The following NAALADL2 variants were observed in gnomAD, a reference collection of about 807,000 sequenced individuals.
The protein encoded by NAALADL2 is N-acetylated alpha-linked acidic dipeptidase like 2.
A neutral mutation model predicts 87.2 loss-of-function variants in NAALADL2; 76 were observed. That is an observed-to-expected ratio of 0.87 (90% CI 0.72 to 1.05). The LOEUF is 1.05. NAALADL2 is among the 50% of genes least tolerant of loss of function. The pLI is 0.00. For synonymous variants in NAALADL2, 354 were observed against 331.0 expected, an observed-to-expected ratio of 1.07 and a Z score of -0.75; for missense variants, 1,089 against 945.8, an observed-to-expected ratio of 1.15 and a Z score of -1.99.
intron 5 of NAALADL2, among the ~76,000 whole-genome samples, chr3:175,362,831 C>T (rs1280666672): frequency 6.8e-6 from 1 of 147,644 alleles, no homozygotes; most frequent in Admixed American, 6.9e-5. Flanking sequence ...TCACTGCATC[C>T]ATGCCAACAT....
intron 2 of NAALADL2, among the ~76,000 whole-genome samples, chr3:174,574,327 A>C (rs1007793130): frequency 6.6e-6 from 1 of 152,146 alleles, no homozygotes; most frequent in Admixed American, 6.5e-5. Flanking sequence ...TTTCACATAC[A>C]TTATATTTTT....
chr3:175,536,036 C>T (rs1212129655), intron 9 of NAALADL2, among the ~76,000 whole-genome samples: 3 of 152,132 alleles, frequency 2.0e-5, no homozygotes, highest in Non-Finnish European at 2.9e-5. Flanking sequence ...TAACAAAACC[C>T]CAACTTTTTG....
chr3:175,788,787 A>G (rs527486195), intron 13 of NAALADL2, among the ~76,000 whole-genome samples: 2 of 152,338 alleles, frequency 1.3e-5, no homozygotes, highest in East Asian at 3.9e-4. Flanking sequence ...TACTCAAATA[A>G]TTATATGAAG....
chr3:175,138,787 T>A (rs916791269), intron 2 of NAALADL2, among the ~76,000 whole-genome samples: 1 of 148,224 alleles, frequency 6.7e-6, no homozygotes, highest in African/African-American at 2.5e-5. Flanking sequence ...ACATAAGATA[T>A]TGTGAATATA....
At chr3:174,685,141 C>T (rs1249216820) in intron 2 of NAALADL2, among the ~76,000 whole-genome samples, 2 of 152,068 alleles carry the variant, frequency 1.3e-5, no homozygotes, top group Admixed American at 1.3e-4. Context: ...GATCTCTCCC[C>T]AAAACTTTCC....
chr3:175,332,267 C>T (rs1232619163), intron 5 of NAALADL2, among the ~76,000 whole-genome samples: 1 of 152,102 alleles, frequency 6.6e-6, no homozygotes, highest in Non-Finnish European at 1.5e-5. Flanking sequence ...ACAGCCAATC[C>T]AATCCTGAAC....
intron 1 of NAALADL2, among the ~76,000 whole-genome samples, chr3:174,481,829 T>C (rs1266504702): frequency 6.6e-6 from 1 of 152,104 alleles, no homozygotes; most frequent in Non-Finnish European, 1.5e-5. Context: ...TGAAATGTTA[T>C]CTACCAAGGA....
intron 9 of NAALADL2, among the ~76,000 whole-genome samples, chr3:175,528,840 C>T (rs1733748755): frequency 6.6e-6 from 1 of 152,156 alleles, no homozygotes; most frequent in African/African-American, 2.4e-5. Context: ...AGTACACATG[C>T]ACAAACATGC....
At chr3:174,593,686 C>T (rs1717608729) in intron 2 of NAALADL2, among the ~76,000 whole-genome samples, 1 of 152,066 alleles carries the variant, frequency 6.6e-6, no homozygotes, top group East Asian at 1.9e-4. Context: ...ATCAGAAATC[C>T]TTGTATATAG....
intron 13 of NAALADL2, among the ~76,000 whole-genome samples, chr3:175,779,415 C>T (rs545346524): frequency 3.3e-5 from 5 of 151,606 alleles, no homozygotes; most frequent in African/African-American, 1.2e-4. Context: ...ATTTTTCCCT[C>T]TCTGTTATTG....
At chr3:175,255,316 A>C (rs1749747421) in intron 3 of NAALADL2, among the ~76,000 whole-genome samples, 1 of 152,206 alleles carries the variant, frequency 6.6e-6, no homozygotes, top group Non-Finnish European at 1.5e-5. Flanking sequence ...GTTCCTATAG[A>C]AACAATGCTC....
intron 9 of NAALADL2, among the ~76,000 whole-genome samples, chr3:175,560,362 G>C (rs1446126419): frequency 6.6e-6 from 1 of 151,032 alleles, no homozygotes; most frequent in Non-Finnish European, 1.5e-5. Flanking sequence ...GACAATTTTT[G>C]TTTATCTTTT....
At chr3:175,022,549 A>T (rs1273474057) in intron 1 of NAALADL2, among the ~76,000 whole-genome samples, 3 of 152,104 alleles carry the variant, frequency 2.0e-5, no homozygotes, top group African/African-American at 7.2e-5. Flanking sequence ...GTACAATTAA[A>T]GGTTATGAAC....
chr3:175,173,587 A>G (rs1707979074), intron 2 of NAALADL2, among the ~76,000 whole-genome samples: 1 of 152,170 alleles, frequency 6.6e-6, no homozygotes, highest in African/African-American at 2.4e-5. Context: ...TTATTTATCC[A>G]CCATATTATA....
chr3:175,667,475 G>A (rs909096156), intron 11 of NAALADL2, among the ~76,000 whole-genome samples: 3 of 152,058 alleles, frequency 2.0e-5, no homozygotes, highest in Admixed American at 6.6e-5. Flanking sequence ...GGTGGAGAAG[G>A]TGGCTGAAAC....
upstream of NAALADL2, among the ~76,000 whole-genome samples, chr3:174,858,220 A>G (rs1726078077): frequency 6.7e-6 from 1 of 148,908 alleles, no homozygotes; most frequent in Non-Finnish European, 1.5e-5. Context: ...ATATGAATAT[A>G]TATTTATATT....
chr3:175,310,345 A>T (rs1013339766), intron 4 of NAALADL2, among the ~76,000 whole-genome samples: 6 of 151,844 alleles, frequency 4.0e-5, no homozygotes, highest in Non-Finnish European at 5.9e-5. Flanking sequence ...TTTCTTTTAT[A>T]TATAAGAAAA....
chr3:175,105,601 C>T (rs1274754636), intron 2 of NAALADL2, among the ~76,000 whole-genome samples: 1 of 148,460 alleles, frequency 6.7e-6, no homozygotes, highest in Non-Finnish European at 1.5e-5. Context: ...AATCCTAATC[C>T]ATGCTTTAGA....
intron 10 of NAALADL2, among the ~76,000 whole-genome samples, chr3:175,622,902 G>T (rs1308867175): frequency 6.6e-6 from 1 of 152,060 alleles, no homozygotes; most frequent in Non-Finnish European, 1.5e-5. Flanking sequence ...GAGTAGGAGA[G>T]CAGATAAAAA....
Sources: allele counts gnomAD v4.1 joint callset (sites outside exome capture counted in the v4.1 genomes callset), GRCh38; gene constraint gnomAD v4.1.1; transcripts MANE v1.5; gene names NCBI Gene and HGNC (gene_info 2026-07-23, HGNC 2026-07-21).